The following IQSEC1 variants were observed in gnomAD, a reference collection of about 807,000 sequenced individuals.
The protein encoded by IQSEC1 is IQ motif and SEC7 domain-containing protein 1.
In IQSEC1, 31 loss-of-function variants were observed where a neutral mutation model predicts 91.0. The ratio of observed to expected loss-of-function variants is 0.34; its 90% CI spans 0.26 to 0.46. IQSEC1 has a LOEUF of 0.46. Ranked by LOEUF, IQSEC1 falls within the 20% of genes least tolerant of loss-of-function variation. The probability of loss-of-function intolerance (pLI) is 1.00; values close to 1 mark genes in which losing one functional copy is unlikely to be tolerated. For synonymous variants in IQSEC1, 699 were observed against 662.6 expected (o/e 1.05, Z -0.84); for missense variants, 1,388 against 1,575.6 (o/e 0.88, Z 2.02).
intron 1 of IQSEC1, among the ~76,000 whole-genome samples, chr3:12,993,660 G>A (rs1053430487): frequency 1.4e-4 from 21 of 152,298 alleles, no homozygotes; most frequent in African/African-American, 4.8e-4. Context: ...GCAAGGCTTC[G>A]GGATAAGCCG....
chr3:12,996,515 G>T (rs886848631), intron 1 of IQSEC1, among the ~76,000 whole-genome samples: 3 of 152,110 alleles, frequency 2.0e-5, no homozygotes, highest in African/African-American at 7.2e-5. Flanking sequence ...TCATTCCCAG[G>T]AGCCGTGAAG....
intron 9 of IQSEC1, among the ~76,000 whole-genome samples, chr3:12,912,087 G>T (rs753593030): frequency 1.4e-4 from 21 of 152,256 alleles, no homozygotes; most frequent in Non-Finnish European, 2.6e-4. Context: ...ACCTTGGTAA[G>T]AAGCCATGGC....
At position 13,004,767 on chromosome 3, in the gene IQSEC1, G is replaced by C. The variant is rs535837958; in HGVS notation, c.24-62902C>G. Among the ~76,000 whole-genome samples, 6 of 152,192 alleles carry C rather than the reference G, an allele frequency of 3.9e-5. No homozygotes were observed. The South Asian group carries it at 8.3e-4, about 21-fold the overall frequency. ...AGGGATGGAGGGAAGCATTATCAAG[G>C]GGGGAGGCTAATTCACCTCCCACCA... On this transcript the variant is annotated intron_variant, in intron 1 of 13. Coordinates refer to ENST00000613206, the MANE Select transcript of IQSEC1 (RefSeq NM_001134382.3).
intron 1 of IQSEC1, among the ~76,000 whole-genome samples, chr3:12,944,435 G>A (rs893061026): frequency 1.3e-5 from 2 of 152,178 alleles, no homozygotes; most frequent in Admixed American, 1.3e-4. Flanking sequence ...CGTTGGCCTC[G>A]CCGGGAAGCC....
intron 1 of IQSEC1, among the ~76,000 whole-genome samples, chr3:13,250,974 T>C (rs1021155922): frequency 2.0e-5 from 3 of 152,212 alleles, no homozygotes; most frequent in Admixed American, 1.3e-4. Context: ...AGAGGCTCCC[T>C]GCCGGGGGTA....
At chr3:12,950,785 G>A (rs1379668719) in intron 1 of IQSEC1, among the ~76,000 whole-genome samples, 1 of 151,994 alleles carries the variant, frequency 6.6e-6, no homozygotes, top group East Asian at 1.9e-4. Context: ...TGGGACTACA[G>A]GCACCCACCA....
At chr3:13,197,223 G>C (rs145847279) in intron 1 of IQSEC1, among the ~76,000 whole-genome samples, 3 of 152,302 alleles carry the variant, frequency 2.0e-5, no homozygotes, top group African/African-American at 7.2e-5. Flanking sequence ...TCCTTCACTT[G>C]AACGGGAAAC....
Position 13,197,029 on chromosome 3 carries a change from C to T in IQSEC1, c.273-32896G>A, listed in dbSNP as rs149860669. 3.4e-3 allele frequency among the ~76,000 whole-genome samples: 519 copies of T among 152,120 alleles called. 1 individual carries two copies. Among genetic ancestry groups the T allele is most frequent in the African/African-American group, 9.5e-3 (393 of 41,508 alleles). On this transcript the variant is annotated intron_variant, in intron 1 of 15. Coordinates refer to the IQSEC1 transcript ENST00000648114. ...AGGGCTGCAGTTAAGACCCTTGCCACGACACTGCCTCCACCTGGAGGCCCC... is the reference window on the plus strand; with the variant it reads ...AGGGCTGCAGTTAAGACCCTTGCCATGACACTGCCTCCACCTGGAGGCCCC...
rs775839640 is a variant in IQSEC1, at chr3:12,908,532, CAG to C, written c.2579-9_2579-8del. 2.9e-5 allele frequency: 46 copies of C among 1,613,322 alleles called. No homozygotes were observed. In the Admixed American group the frequency reaches 3.2e-4, roughly 11 times the overall value. On this transcript the variant is annotated splice_region_variant and splice_polypyrimidine_tract_variant and intron_variant, in intron 11 of 13. Transcript: ENST00000613206. This position sits in a 1 kb window ranked among gnomAD's most constrained non-coding sequence, Gnocchi z 4.9. ...TTCTGCTTCTCGAGCTCCGCTGGAA[CAG>C]AGAGGGTGAGGGTCCTGGTGAGAGG...
At chr3:13,089,982 A>G (rs1399529102) in intron 2 of IQSEC1, among the ~76,000 whole-genome samples, 2 of 152,204 alleles carry the variant, frequency 1.3e-5, no homozygotes, top group African/African-American at 2.4e-5. Flanking sequence ...TTGGGAGGCC[A>G]AGGCGGGTGG....
chr3:12,950,241 G>A (rs965511705), intron 1 of IQSEC1, among the ~76,000 whole-genome samples: 1 of 152,236 alleles, frequency 6.6e-6, no homozygotes, highest in African/African-American at 2.4e-5. Context: ...TCAAATCCAT[G>A]TCATTCTTCT....
intron 2 of IQSEC1, among the ~76,000 whole-genome samples, chr3:13,095,560 G>A (rs1474573679): frequency 1.3e-5 from 2 of 151,822 alleles, no homozygotes; most frequent in African/African-American, 2.4e-5. Context: ...GATAATCATT[G>A]CCACTCCCCC....
chr3:12,957,935 TTTTGAAGCAGGTAC>T (rs1332144386), intron 1 of IQSEC1, among the ~76,000 whole-genome samples: 5 of 152,226 alleles, frequency 3.3e-5, no homozygotes, highest in Non-Finnish European at 7.3e-5. Context: ...AACAGCAACC[TTTTGAAGCAGGTAC>T]TATATCATCT....
chr3:13,094,771 C>T (rs1705926210), intron 2 of IQSEC1, among the ~76,000 whole-genome samples: 3 of 152,190 alleles, frequency 2.0e-5, no homozygotes, highest in African/African-American at 4.8e-5. Flanking sequence ...GGGATCTTCT[C>T]CCACTGAGCA....
intron 1 of IQSEC1, among the ~76,000 whole-genome samples, chr3:13,261,106 G>C (rs1215640203): frequency 6.6e-6 from 1 of 152,222 alleles, no homozygotes; most frequent in Non-Finnish European, 1.5e-5. Flanking sequence ...TATATAGAAA[G>C]ATCAGCCTGA....
At chr3:13,046,550 C>T (rs920033041) in intron 1 of IQSEC1, among the ~76,000 whole-genome samples, 7 of 152,332 alleles carry the variant, frequency 4.6e-5, no homozygotes, top group South Asian at 4.1e-4. Flanking sequence ...ACAGGGCCTA[C>T]GACCTTGTGA....
intron 1 of IQSEC1, among the ~76,000 whole-genome samples, chr3:12,948,744 T>C (rs181950875): frequency 3.9e-4 from 59 of 152,306 alleles, no homozygotes; most frequent in Non-Finnish European, 6.6e-4. Flanking sequence ...AATGTCTATA[T>C]GGCTAGTGAT....
At position 12,918,800 on chromosome 3, in the gene IQSEC1, C is replaced by T. The variant is rs112789058; in HGVS notation, c.2020+1630G>A. 4.0e-3 allele frequency among the ~76,000 whole-genome samples: 614 copies of T among 152,198 alleles called. 1 individual carries two copies. Among genetic ancestry groups the T allele is most frequent in the African/African-American group, 0.014 (579 of 41,524 alleles). On this transcript the variant is annotated intron_variant, in intron 6 of 13. Coordinates refer to ENST00000613206, the MANE Select transcript of IQSEC1 (RefSeq NM_001134382.3). ...TTGCACCACTGCACTCCAGCCTGTG[C>T]GACAGAGGAAGACCATGTCTAAATA...
Position 12,935,911 on chromosome 3 carries a change from C to T in IQSEC1, c.1105G>A (p.Glu369Lys), listed in dbSNP as rs770619488. 5.0e-6 allele frequency: 8 copies of T among 1,601,536 alleles called. No homozygotes were observed. The highest frequency in any genetic ancestry group is 5.9e-6 in the Non-Finnish European group (7 of 1,179,508). ...TCCACAGAGCTGTCGCTGGGTGGCT[C>T]GATGGTGAGCAGCGGCAGATGCTCC... ...RVEHLPLLTIEPPSDSSVDLS... is the reference protein window; with the variant it reads ...RVEHLPLLTIKPPSDSSVDLS... The change falls in exon 3 of 14, where the codon GAG becomes AAG. Residue 369 changes from glutamate (E) to lysine (K), a missense_variant. Transcript: ENST00000613206. This position sits in a 1 kb window ranked among gnomAD's most constrained non-coding sequence, Gnocchi z 8.0.
Sources: gnomAD v4.1 joint callset for allele counts (sites outside exome capture counted in the v4.1 genomes callset) on GRCh38, gnomAD v4.1.1 for gene constraint, Gnocchi (gnomAD v3.1) non-coding constraint, MANE v1.5 for transcripts, NCBI Gene and HGNC (gene_info 2026-07-23, HGNC 2026-07-21) for gene names.